PDE4D: variants seen among roughly 807,000 people sequenced by gnomAD.
The protein encoded by PDE4D is 3',5'-cyclic-AMP phosphodiesterase 4D.
In PDE4D, 24 loss-of-function variants were observed where a neutral mutation model predicts 87.4. The observed-to-expected ratio is 0.27, with a 90% confidence interval of 0.20 to 0.39. The LOEUF (loss-of-function observed/expected upper bound fraction) is 0.39, where lower values mean the gene tolerates loss of function less well. Among genes scored for constraint, PDE4D ranks in the 10% least tolerant of loss-of-function variants. The pLI, the probability that PDE4D is intolerant of heterozygous loss-of-function variation, is 1.00. For synonymous variants in PDE4D, 384 were observed against 383.2 expected (o/e 1.00, Z -0.02); for missense variants, 714 against 1,041.0 (o/e 0.69, Z 4.32).
rs574795220 is a variant in PDE4D at position 60,122,896 on chromosome 5, CA to C, written c.42+62660del. The stretch of plus-strand genomic sequence containing the variant: ...TGAGTGCCTTTAACAGCACTCAAGT[CA>C]CCTCTTGAATACTTTGCTGCTTAGA... On this transcript the variant is annotated intron_variant, in intron 2 of 16. Transcript: ENST00000502484. Among the ~76,000 whole-genome samples, 177 of 152,330 alleles carry C rather than the reference CA, an allele frequency of 1.2e-3. 1 individual carries two copies. Among genetic ancestry groups the C allele is most frequent in the Admixed American group, 1.8e-3 (28 of 15,302 alleles).
chr5:60,089,902 A>G (rs549412968), intron 2 of PDE4D, among the ~76,000 whole-genome samples: 1 of 152,034 alleles, frequency 6.6e-6, no homozygotes, highest in African/African-American at 2.4e-5. Context: ...TTGATACACC[A>G]ACAAATAGGA....
chr5:60,051,881 T>G (rs1365612532), intron 2 of PDE4D, among the ~76,000 whole-genome samples: 2 of 151,952 alleles, frequency 1.3e-5, no homozygotes, highest in African/African-American at 4.8e-5. Flanking sequence ...CCCGCAGAAA[T>G]ACAAATTACT....
intron 1 of PDE4D, among the ~76,000 whole-genome samples, chr5:59,754,018 A>C (rs891351411): frequency 2.6e-5 from 4 of 152,102 alleles, no homozygotes; most frequent in African/African-American, 4.8e-5. Flanking sequence ...GTGTAAAATG[A>C]GGAGCTTATG....
At chr5:59,102,063 CTG>C (rs1770825154) in intron 5 of PDE4D, among the ~76,000 whole-genome samples, 1 of 147,350 alleles carries the variant, frequency 6.8e-6, no homozygotes, top group Admixed American at 6.9e-5. Context: ...ACCTCTGAAA[CTG>C]TTAATTTTTT....
intron 2 of PDE4D, among the ~76,000 whole-genome samples, chr5:60,150,120 T>G (rs1336707610): frequency 6.7e-6 from 1 of 150,288 alleles, no homozygotes; most frequent in Non-Finnish European, 1.5e-5. Flanking sequence ...CTATACAAAT[T>G]AGACAATTTG....
rs114833118 is a variant in PDE4D at position 59,490,681 on chromosome 5, T to C, written c.456-274713A>G. Reference sequence around the variant, plus strand: ...ATTTGTGTACTGCAATGACTAATAATAGTAAATTAAAGTAAAATAAACTAT... The same window carrying C: ...ATTTGTGTACTGCAATGACTAATAACAGTAAATTAAAGTAAAATAAACTAT... On this transcript the variant is annotated intron_variant, in intron 1 of 14. Transcript: ENST00000340635. 1.9e-3 allele frequency among the ~76,000 whole-genome samples: 282 copies of C among 152,364 alleles called. 2 individuals carry two copies. The highest frequency in any genetic ancestry group is 6.6e-3 in the African/African-American group (276 of 41,582).
intron 5 of PDE4D, among the ~76,000 whole-genome samples, chr5:59,055,692 G>A (rs547603711): frequency 1.6e-4 from 25 of 152,286 alleles, no homozygotes; most frequent in African/African-American, 6.0e-4. Context: ...GAGAGATTCA[G>A]GGTGATGAGT....
At chr5:59,747,445 T>C (rs1030649187) in intron 1 of PDE4D, among the ~76,000 whole-genome samples, 43 of 152,196 alleles carry the variant, frequency 2.8e-4, no homozygotes, top group East Asian at 9.6e-4. Context: ...CAGTCAATGA[T>C]AGTTGAGGAA....
At chr5:59,613,685 T>C (rs1267853291) in intron 1 of PDE4D, among the ~76,000 whole-genome samples, 1 of 152,178 alleles carries the variant, frequency 6.6e-6, no homozygotes, top group Non-Finnish European at 1.5e-5. Flanking sequence ...GTATTCAGCA[T>C]CAGTGTAGAG....
intron 1 of PDE4D, among the ~76,000 whole-genome samples, chr5:59,365,868 C>T (rs1374242143): frequency 2.0e-5 from 3 of 152,100 alleles, no homozygotes; most frequent in Non-Finnish European, 2.9e-5. Context: ...CCCTTTGAAT[C>T]CTTCTTATAC....
chr5:59,213,032 A>C (rs1750415281), intron 2 of PDE4D, among the ~76,000 whole-genome samples: 1 of 150,988 alleles, frequency 6.6e-6, no homozygotes, highest in Admixed American at 6.6e-5. Flanking sequence ...TAAAATGTTT[A>C]GAGAACTCAT....
chr5:59,231,121 G>A (rs1197509883), intron 1 of PDE4D, among the ~76,000 whole-genome samples: 3 of 152,114 alleles, frequency 2.0e-5, no homozygotes, highest in African/African-American at 7.2e-5. Context: ...TAAGATGTTG[G>A]ATGGGCTACC....
At chr5:59,352,812 A>T (rs190128624) in intron 1 of PDE4D, among the ~76,000 whole-genome samples, 74 of 152,294 alleles carry the variant, frequency 4.9e-4, no homozygotes, top group Non-Finnish European at 1.6e-4. Context: ...TCTATGTCAT[A>T]TCAAATAAAT....
intron 1 of PDE4D, among the ~76,000 whole-genome samples, chr5:60,403,869 T>A (rs1001994824): frequency 9.9e-5 from 15 of 152,242 alleles, no homozygotes; most frequent in African/African-American, 3.4e-4. Context: ...GCTTGGCATA[T>A]AGTAAATGCC....
At chr5:60,012,767 C>T (rs1052993476) in intron 2 of PDE4D, among the ~76,000 whole-genome samples, 10 of 152,106 alleles carry the variant, frequency 6.6e-5, no homozygotes, top group Non-Finnish European at 1.3e-4. Flanking sequence ...AAGATTAGAT[C>T]ATTGAAATAA....
At chr5:59,413,860 G>C (rs574592369) in intron 1 of PDE4D, among the ~76,000 whole-genome samples, 1 of 152,270 alleles carries the variant, frequency 6.6e-6, no homozygotes, top group African/African-American at 2.4e-5. Flanking sequence ...GGGACTGAAT[G>C]AATCAATACA....
intron 5 of PDE4D, among the ~76,000 whole-genome samples, chr5:59,146,962 G>A (rs140417450): frequency 1.4e-3 from 216 of 152,236 alleles, no homozygotes; most frequent in Non-Finnish European, 2.0e-3. Flanking sequence ...GTGAGCAGCA[G>A]GCAAGCGAGC....
chr5:59,145,126 C>T (rs1262043760), intron 5 of PDE4D, among the ~76,000 whole-genome samples: 2 of 152,020 alleles, frequency 1.3e-5, no homozygotes, highest in East Asian at 1.9e-4. Flanking sequence ...TTTGTGAGCA[C>T]TCAATAATTT....
intron 2 of PDE4D, among the ~76,000 whole-genome samples, chr5:60,003,655 G>A (rs936335147): frequency 1.3e-4 from 19 of 148,422 alleles, no homozygotes; most frequent in Admixed American, 1.2e-3. Flanking sequence ...GTTGCAGTGA[G>A]CCAAGATCAT....
Sources: gnomAD v4.1 joint callset for allele counts (sites outside exome capture counted in the v4.1 genomes callset) on GRCh38, gnomAD v4.1.1 for gene constraint, MANE v1.5 for transcripts, NCBI Gene and HGNC (gene_info 2026-07-23, HGNC 2026-07-21) for gene names.